DPP10: variants seen among roughly 807,000 people sequenced by gnomAD.
DPP10 encodes the protein inactive dipeptidyl peptidase 10.
DPP10 carries 33 observed loss-of-function variants against 120.9 expected under a neutral mutation model. The observed-to-expected ratio is 0.27, with a 90% CI of 0.21 to 0.37. The LOEUF (loss-of-function observed/expected upper bound fraction) is 0.37. Ranked by LOEUF, DPP10 falls within the 10% of genes least tolerant of loss-of-function variation. The pLI is 1.00. For synonymous variants in DPP10, 337 were observed against 326.1 expected (o/e 1.03, Z -0.36); for missense variants, 816 against 942.8 (o/e 0.87, Z 1.76).
intron 1 of DPP10, among the ~76,000 whole-genome samples, chr2:115,200,523 G>A (rs536769595): frequency 1.3e-5 from 2 of 152,276 alleles, no homozygotes; most frequent in South Asian, 4.1e-4. Context: ...GTCTTTGGTG[G>A]AAATGACTAT....
At chr2:115,009,293 A>G (rs1370656665) in intron 1 of DPP10, among the ~76,000 whole-genome samples, 1 of 151,976 alleles carries the variant, frequency 6.6e-6, no homozygotes, top group Non-Finnish European at 1.5e-5. Flanking sequence ...CATGGATGAA[A>G]TTGGAAACCA....
chr2:115,223,507 CAT>C (rs1179401954), intron 1 of DPP10, among the ~76,000 whole-genome samples: 1 of 152,010 alleles, frequency 6.6e-6, no homozygotes, highest in African/African-American at 2.4e-5. Flanking sequence ...TTAGATAAGA[CAT>C]ATTTGGTTTG....
intron 1 of DPP10, among the ~76,000 whole-genome samples, chr2:114,511,186 TC>T (rs1684118599): frequency 6.6e-6 from 1 of 152,244 alleles, no homozygotes; most frequent in Non-Finnish European, 1.5e-5. Context: ...TGGATATAGT[TC>T]TAAAGCATAC....
At chr2:115,674,402 A>AT (rs1209504474) in intron 5 of DPP10, among the ~76,000 whole-genome samples, 1 of 150,488 alleles carries the variant, frequency 6.6e-6, no homozygotes, top group African/African-American at 2.4e-5. Context: ...TTTTTTTAAG[A>AT]TTTTTTTCTT....
At chr2:114,544,002 A>G (rs1431233105) in intron 1 of DPP10, among the ~76,000 whole-genome samples, 1 of 151,792 alleles carries the variant, frequency 6.6e-6, no homozygotes, top group Non-Finnish European at 1.5e-5. Context: ...ACCATTCTAG[A>G]TGTTAGGTAT....
At chr2:115,342,098 G>T in intron 2 of DPP10, 2 of 451,192 alleles carry the variant, frequency 4.4e-6, no homozygotes, top group East Asian at 1.4e-4. Flanking sequence ...ATGTTTAAGT[G>T]AGGCCTTCTC....
chr2:114,523,478 A>G (rs759295020), intron 1 of DPP10, among the ~76,000 whole-genome samples: 3 of 152,170 alleles, frequency 2.0e-5, no homozygotes, highest in Non-Finnish European at 2.9e-5. Flanking sequence ...CCTGTAGAGC[A>G]TTGATAGCTC....
chr2:114,679,911 G>C (rs749060233), intron 1 of DPP10, among the ~76,000 whole-genome samples: 3 of 151,912 alleles, frequency 2.0e-5, no homozygotes, highest in African/African-American at 7.2e-5. Flanking sequence ...TAAGCTCACC[G>C]TATTCAAATG....
intron 9 of DPP10, among the ~76,000 whole-genome samples, chr2:115,742,613 A>G (rs1005750395): frequency 2.0e-5 from 3 of 152,128 alleles, no homozygotes; most frequent in African/African-American, 7.2e-5. Flanking sequence ...CCTTGTTCTT[A>G]AAACAAATTT....
chr2:115,525,840 C>A, intron 4 of DPP10, 58 bp from the exon 5 acceptor site: 2 of 1,282,752 alleles, frequency 1.6e-6, no homozygotes, highest in Non-Finnish European at 2.2e-6. Flanking sequence ...TACATTTATA[C>A]ATCCAAATTC....
chr2:114,831,339 C>T (rs1257431764), intron 1 of DPP10, among the ~76,000 whole-genome samples: 1 of 152,046 alleles, frequency 6.6e-6, no homozygotes, highest in Non-Finnish European at 1.5e-5. Flanking sequence ...GGAAATGGGT[C>T]AACTATCTAG....
chr2:114,663,707 A>G (rs1008791964), intron 1 of DPP10, among the ~76,000 whole-genome samples: 2 of 147,210 alleles, frequency 1.4e-5, no homozygotes, highest in African/African-American at 2.5e-5. Context: ...AAACTGACTG[A>G]CTTGGGCTCT....
chr2:114,569,234 T>C (rs1250924500), intron 1 of DPP10, among the ~76,000 whole-genome samples: 1 of 152,304 alleles, frequency 6.6e-6, no homozygotes, highest in South Asian at 2.1e-4. Flanking sequence ...TTGTGCTTGT[T>C]ATCCATATGA....
At chr2:115,824,336 G>A (rs541570148) in intron 21 of DPP10, among the ~76,000 whole-genome samples, 1 of 152,062 alleles carries the variant, frequency 6.6e-6, no homozygotes, top group African/African-American at 2.4e-5. Flanking sequence ...TAAGTACCAC[G>A]GTACACGTGC....
At chr2:115,621,880 G>A (rs534467523) in intron 5 of DPP10, among the ~76,000 whole-genome samples, 2 of 152,106 alleles carry the variant, frequency 1.3e-5, no homozygotes, top group East Asian at 3.9e-4. Context: ...GTTTCTGCAT[G>A]TTGGCCAGGC....
intron 1 of DPP10, among the ~76,000 whole-genome samples, chr2:114,532,316 CAGAT>C (rs1358384548): frequency 7.1e-6 from 1 of 140,638 alleles, no homozygotes; most frequent in Non-Finnish European, 1.5e-5. Flanking sequence ...CACACACACA[CAGAT>C]ACACACCATA....
At chr2:115,762,878 G>A (rs1400027792) in intron 12 of DPP10, among the ~76,000 whole-genome samples, 1 of 152,210 alleles carries the variant, frequency 6.6e-6, no homozygotes, top group East Asian at 1.9e-4. Context: ...ACACTCTTGT[G>A]TAGATGAAGG....
rs528349379 is a variant in DPP10, at chr2:115,689,370, T to C, written c.442-317T>C. The stretch of plus-strand genomic sequence containing the variant: ...CATGTAAAAGCCAAAATAACAAAAT[T>C]ATTTAACATCAGATGAGGCAGTTTG... On this transcript the variant is annotated intron_variant, in intron 5 of 25. Transcript: ENST00000410059. 2.0e-4 allele frequency among the ~76,000 whole-genome samples: 31 copies of C among 152,238 alleles called. No individual in the cohort carries two copies. The South Asian group carries it at 5.4e-3, about 26-fold the overall frequency.
At chr2:114,826,486 A>T (rs1433216893) in intron 1 of DPP10, among the ~76,000 whole-genome samples, 2 of 152,200 alleles carry the variant, frequency 1.3e-5, no homozygotes, top group East Asian at 3.8e-4. Flanking sequence ...TCAAAATTTC[A>T]TGTGGCATGG....
Sources: gnomAD v4.1 joint callset for allele counts (sites outside exome capture counted in the v4.1 genomes callset) on GRCh38, gnomAD v4.1.1 for gene constraint, MANE v1.5 for transcripts, NCBI Gene and HGNC (gene_info 2026-07-23, HGNC 2026-07-21) for gene names.